Variants in KHSRP observed in about 807,000 individuals in gnomAD.
KHSRP encodes KH-type splicing regulatory protein, also known as far upstream element-binding protein 2.
A neutral mutation model predicts 94.9 loss-of-function variants in KHSRP; 13 were observed. The observed-to-expected ratio is 0.14, with a 90% CI of 0.09 to 0.22. KHSRP has a LOEUF of 0.22. KHSRP is among the 10% of genes least tolerant of loss of function. KHSRP has a pLI of 1.00. For synonymous variants in KHSRP, 495 were observed against 401.4 expected (o/e 1.23, Z -2.79); for missense variants, 710 against 1,010.0 (o/e 0.70, Z 4.03).
Position 6,424,777 on chromosome 19 carries a change from A to G in KHSRP, c.-76T>C, listed in dbSNP as rs1320435275. On this transcript the variant is annotated 5_prime_UTR_variant, in exon 1 of 19. Transcript: ENST00000600480. ...GCGGCGGCGGCGGCTCAACGCGGGA[A>G]CAAGGCCTCGCTCCACACGGCCGCG... 3.7e-6 allele frequency: 2 copies of G among 539,464 alleles called. No individual in the cohort carries two copies. The highest frequency in any genetic ancestry group is 1.2e-4 in the East Asian group (1 of 8,056). 33.4% of individuals were successfully genotyped at this position (539,464 alleles called of 1,614,324 possible).
Position 6,416,353 on chromosome 19 carries a change from T to TTGGGCCAGCAGGGCC in KHSRP, c.1528_1542dup (p.Gly510_Pro514dup). 1.2e-6 allele frequency: 2 copies of TTGGGCCAGCAGGGCC among 1,610,728 alleles called. No homozygotes were observed. The highest frequency in any genetic ancestry group is 1.7e-6 in the Non-Finnish European group (2 of 1,179,064). On this transcript the variant is annotated inframe_insertion, in exon 15 of 19. Transcript: ENST00000600480. ...AAGGGCCCAGGATTGAAGGGCCCCA[T>TTGGGCCAGCAGGGCC]TGGGCCAGCAGGGCCTGGGCCACCT...
intron 15 of KHSRP, 55 bp downstream of exon 15, chr19:6,416,243 C>T (rs1021291836): frequency 6.8e-5 from 95 of 1,406,794 alleles, no homozygotes; most frequent in Non-Finnish European, 9.1e-5. Flanking sequence ...TGCTATTCTT[C>T]TTGCCAGCTC....
chr19:6,416,755 C>A lies in KHSRP; in HGVS notation c.1310G>T (p.Gly437Val). ...ACACTCACCTCGGCCGATGACCAGCCCACACTTGTGAGTGGGGATGGAGAA... is the reference window on the plus strand; with the variant it reads ...ACACTCACCTCGGCCGATGACCAGCACACACTTGTGAGTGGGGATGGAGAA... ...MTFSIPTHKC[G>V]LVIGRGGENV... The change falls in exon 13 of 19, where the codon GGG becomes GTG. Residue 437 changes from glycine (G) to valine (V), a missense_variant. This residue lies in a region of KHSRP where 288 missense variants were observed against 501.1 expected (regional missense o/e 0.57). Coordinates refer to ENST00000600480, the MANE Select transcript of KHSRP (RefSeq NM_001366299.1). 6.3e-7 allele frequency: 1 copy of A among 1,597,822 alleles called. No homozygotes were observed. The highest frequency in any genetic ancestry group is 8.5e-7 in the Non-Finnish European group (1 of 1,170,782).
At position 6,418,048 on chromosome 19, in the gene KHSRP, C is replaced by T. The variant is rs763165761; in HGVS notation, c.911G>A (p.Arg304Gln). 5.6e-6 allele frequency: 9 copies of T among 1,613,854 alleles called. No individual in the cohort carries two copies. Among genetic ancestry groups the T allele is most frequent in the East Asian group, 2.2e-5 (1 of 44,882 alleles). ...QACEMVMDIL[R>Q]ERDQGGFGDR... is the part of the protein sequence containing the mutation. Reference sequence around the variant, plus strand: ...CCCAAAGCCGCCTTGGTCACGTTCCCGGAGGATGTCCATCACCATCTCACA... The same window carrying T: ...CCCAAAGCCGCCTTGGTCACGTTCCTGGAGGATGTCCATCACCATCTCACA... The change falls in exon 10 of 19, where the codon CGG becomes CAG. Residue 304 changes from arginine to glutamine, a missense_variant. Arg to Gln is a conservative substitution (Grantham distance 43, BLOSUM62 1). Coordinates refer to ENST00000600480, the MANE Select transcript of KHSRP (RefSeq NM_001366299.1). This position sits in a 1 kb window ranked among gnomAD's most constrained non-coding sequence, Gnocchi z 4.3.
chr19:6,415,091 G>A lies in KHSRP; in HGVS notation c.2177C>T (p.Pro726Leu), dbSNP rs752012644. 8.8e-6 allele frequency: 14 copies of A among 1,592,334 alleles called. No homozygotes were observed. The highest frequency in any genetic ancestry group is 1.3e-5 in the African/African-American group (1 of 74,722). ...CACTAAGGCAGGATGGACGGTGGCC[G>A]GGGGTTGGAAGGAGAAAGGAGGAGG... is the stretch of plus-strand genomic sequence containing the variant. The part of the protein sequence containing the change: ...PPPPPFSFQP[P>L]ATVHPALVGS... The change falls in exon 19 of 19, where the codon CCG becomes CTG. Residue 726 changes from proline (P) to leucine (L), a missense_variant. By Grantham distance (98) the Pro-to-Leu change is moderately conservative (BLOSUM62 -3). Coordinates refer to ENST00000600480, the MANE Select transcript of KHSRP (RefSeq NM_001366299.1).
rs1281666817 is a variant in KHSRP, at chr19:6,418,672, C to A, written c.780+30G>T. 6.2e-7 allele frequency: 1 copy of A among 1,613,750 alleles called. No individual in the cohort carries two copies. The highest frequency in any genetic ancestry group is 1.7e-5 in the Admixed American group (1 of 59,994). On this transcript the variant is annotated intron_variant, in intron 8 of 18. Transcript: ENST00000600480. This position sits in a 1 kb window ranked among gnomAD's most constrained non-coding sequence, Gnocchi z 4.3. ...GGCGGTGGGGTGTGGCACACGGATG[C>A]AGAGGAAGCTGCCCAGGTGCTGCCC...
chr19:6,421,372 G>A, intron 3 of KHSRP, 55 bp from the exon 4 acceptor site: 1 of 1,540,450 alleles, frequency 6.5e-7, no homozygotes, highest in South Asian at 1.2e-5. Flanking sequence ...CGGGCACTTG[G>A]CACTGCCTGC....
chr19:6,417,801 C>T lies in KHSRP; in HGVS notation c.1019G>A (p.Arg340Gln). The part of the protein sequence containing the change: ...PRHSVGVVIG[R>Q]SGEMIKKIQN... ...GATCTTCTTGATCATCTCTCCACTC[C>T]GGCCAATGACCACGCCAACAGAATG... The change falls in exon 11 of 19, where the codon CGG becomes CAG. Residue 340 changes from arginine (R) to glutamine (Q), a missense_variant. By Grantham distance (43) the Arg-to-Gln change is conservative. Transcript: ENST00000600480. 6.2e-7 allele frequency: 1 copy of T among 1,613,964 alleles called. No individual in the cohort carries two copies. The highest frequency in any genetic ancestry group is 8.5e-7 in the Non-Finnish European group (1 of 1,179,852).
At chr19:6,419,949 G>A (rs1209722307) in intron 6 of KHSRP, 124 bp downstream of exon 6, 1 of 735,036 alleles carries the variant, frequency 1.4e-6, no homozygotes, top group African/African-American at 1.7e-5. Flanking sequence ...CTGGTCCGTA[G>A]TAAGCACCAA....
chr19:6,414,875 C>A lies in KHSRP; in HGVS notation c.*149G>T, dbSNP rs2092131218. ...CAGAAGTCCCGCCTGCGAGTCTCAG[C>A]GCTCCCCAGCATCACGACAGCGGCA... On this transcript the variant is annotated 3_prime_UTR_variant, in exon 19 of 19. Coordinates refer to ENST00000600480, the MANE Select transcript of KHSRP (RefSeq NM_001366299.1). 1 of 1,334,192 alleles carries A rather than the reference C, an allele frequency of 7.5e-7. No homozygotes were observed. The highest frequency in any genetic ancestry group is 9.6e-7 in the Non-Finnish European group (1 of 1,044,952). 82.6% of individuals were successfully genotyped at this position (1,334,192 alleles called of 1,614,324 possible). A position where few individuals can be genotyped will look rare whatever the true frequency, so the allele number is the denominator to read the frequency against.
chr19:6,416,464 A>G (rs1355577377), intron 14 of KHSRP, 26 bp downstream of exon 14: 1 of 1,612,552 alleles, frequency 6.2e-7, no homozygotes, highest in South Asian at 1.1e-5. Flanking sequence ...TGTGAGACCA[A>G]ATCCCCAGAG....
intron 4 of KHSRP, 21 bp from the exon 5 acceptor site, chr19:6,420,492 GGTCA>G (rs1568344601): frequency 6.2e-7 from 1 of 1,613,126 alleles, no homozygotes; most frequent in Admixed American, 1.7e-5. Context: ...ACACGCCAAA[GGTCA>G]GTCCTCAAGT....
At chr19:6,420,359 G>A (rs1271852075) in intron 5 of KHSRP, 63 bp downstream of exon 5, 4 of 1,524,848 alleles carry the variant, frequency 2.6e-6, no homozygotes, top group East Asian at 4.5e-5. Context: ...GCTGGCAGGA[G>A]CTCACAGGAC....
At chr19:6,416,712 G>C (rs370867375) in intron 13 of KHSRP, 26 bp downstream of exon 13, 2 of 1,610,656 alleles carry the variant, frequency 1.2e-6, no homozygotes, top group Non-Finnish European at 1.7e-6. Context: ...GGGGGCAAGG[G>C]ATAGGGTGCA....
rs372896818 is a variant in KHSRP, at chr19:6,420,067, T to C, written c.547+6A>G. 1.2e-6 allele frequency: 2 copies of C among 1,611,028 alleles called. No individual in the cohort carries two copies. Among genetic ancestry groups the C allele is most frequent in the Non-Finnish European group, 8.5e-7 (1 of 1,177,276 alleles). On this transcript the variant is annotated splice_donor_region_variant and intron_variant, in intron 6 of 18. Coordinates refer to ENST00000600480, the MANE Select transcript of KHSRP (RefSeq NM_001366299.1). ...CCACTCTGGCAGGAACCTGACGCTC[T>C]TATACCTGGAGAAATCTGTACTTTG...
Position 6,424,474 on chromosome 19 carries a change from G to A in KHSRP, c.228C>T (p.Asp76=). ...TCACCTGGCGGGCCCGCTGCACGGC[G>A]TCGGCGAAAGCGTCCTTGCGGATTC... is the stretch of plus-strand genomic sequence containing the variant. The part of the protein sequence containing the change: ...GPGIRKDAFA[D]AVQRARQIAA... Residue 76 remains aspartate, a synonymous_variant, in exon 1 of 19, where the codon GAC becomes GAT. Coordinates refer to ENST00000600480, the MANE Select transcript of KHSRP (RefSeq NM_001366299.1). 3 of 990,318 alleles carry A rather than the reference G, an allele frequency of 3.0e-6. No homozygotes were observed. The highest frequency in any genetic ancestry group is 3.6e-6 in the Non-Finnish European group (3 of 834,656). 61.3% of individuals were successfully genotyped at this position (990,318 alleles called of 1,614,324 possible). A position where few individuals can be genotyped will look rare whatever the true frequency, so the allele number is the denominator to read the frequency against.
chr19:6,417,562 C>T (rs1035046985), intron 11 of KHSRP, among the ~76,000 whole-genome samples, 177 bp downstream of exon 11: 2 of 152,170 alleles, frequency 1.3e-5, no homozygotes, highest in African/African-American at 4.8e-5. Flanking sequence ...TGTGGAAAGC[C>T]CTCATGTGTC....
Position 6,424,631 on chromosome 19 carries a change from C to T in KHSRP, c.71G>A (p.Gly24Glu), listed in dbSNP as rs968936333. The T allele has an allele frequency of 3.0e-6, 3 of 987,054 alleles. No individual in the cohort carries two copies. The highest frequency in any genetic ancestry group is 3.6e-6 in the Non-Finnish European group (3 of 831,922). 61.1% of individuals were successfully genotyped at this position (987,054 alleles called of 1,614,324 possible). The change falls in exon 1 of 19, where the codon GGA becomes GAA. Residue 24 changes from glycine to glutamate, a missense_variant. Gly to Glu is a moderately conservative substitution (Grantham distance 98, BLOSUM62 -2). Transcript: ENST00000600480. The part of the protein sequence containing the change: ...PPPAGGGGGA[G>E]GAGGGPPPGP... ...CGGCGGAGGGCCTCCCCCGGCGCCT[C>T]CGGCTCCCCCGCCCCCGCCGGCGGG...
At position 6,418,820 on chromosome 19, in the gene KHSRP, C is replaced by T. The variant is rs1319131163; in HGVS notation, c.662G>A (p.Gly221Glu). ...IVSRGRGGPP[G>E]QFHDNANGGQ... ...CCCGTTGGCGTTGTCGTGGAACTGTCCTGGGGGGCCCCCACGACCCCGAGA... is the reference window on the plus strand; with the variant it reads ...CCCGTTGGCGTTGTCGTGGAACTGTTCTGGGGGGCCCCCACGACCCCGAGA... Residue 221 changes from glycine (G) to glutamate (E), a missense_variant, in exon 8 of 19, where the codon GGA becomes GAA. By Grantham distance (98) the Gly-to-Glu change is moderately conservative. Coordinates refer to ENST00000600480, the MANE Select transcript of KHSRP (RefSeq NM_001366299.1). This position sits in a 1 kb window ranked among gnomAD's most constrained non-coding sequence, Gnocchi z 4.3. 1 of 1,568,984 alleles carries T rather than the reference C, an allele frequency of 6.4e-7. No individual in the cohort carries two copies. The highest frequency in any genetic ancestry group is 1.4e-5 in the African/African-American group (1 of 72,332).
Sources: gnomAD v4.1 joint callset for allele counts (sites outside exome capture counted in the v4.1 genomes callset) on GRCh38, gnomAD v4.1.1 for gene constraint, gnomAD v4.1.1 regional missense constraint, Gnocchi (gnomAD v3.1) non-coding constraint, MANE v1.5 for transcripts, NCBI Gene and HGNC (gene_info 2026-07-23, HGNC 2026-07-21) for gene names.